The following CTNNA3 variants were observed in gnomAD, a reference collection of about 807,000 sequenced individuals.
CTNNA3 encodes catenin alpha-3.
In CTNNA3, 76 loss-of-function variants were observed where a neutral mutation model predicts 95.7. The ratio of observed to expected loss-of-function variants is 0.79; its 90% CI spans 0.66 to 0.96. The LOEUF (loss-of-function observed/expected upper bound fraction) is 0.96. Ranked by LOEUF, CTNNA3 falls within the 40% of genes least tolerant of loss-of-function variation. CTNNA3 has a pLI of 0.00. For missense variants in CTNNA3, 1,191 were observed against 1,089.8 expected, an observed-to-expected ratio of 1.09 and a Z score of -1.31; for synonymous variants, 431 against 374.4, an observed-to-expected ratio of 1.15 and a Z score of -1.74.
chr10:67,639,322 T>C (rs1471890299), intron 2 of CTNNA3, among the ~76,000 whole-genome samples: 1 of 152,132 alleles, frequency 6.6e-6, no homozygotes, highest in African/African-American at 2.4e-5. Context: ...GTTGAATCTC[T>C]GAATAGACCA....
intron 11 of CTNNA3, among the ~76,000 whole-genome samples, chr10:66,477,549 AT>A (rs750864388): frequency 3.3e-5 from 5 of 152,034 alleles, no homozygotes; most frequent in Non-Finnish European, 7.4e-5. Context: ...ACTCAAACTC[AT>A]GGCAGGAGAG....
chr10:67,261,206 A>C (rs1866593920), intron 5 of CTNNA3, among the ~76,000 whole-genome samples: 1 of 152,158 alleles, frequency 6.6e-6, no homozygotes, highest in Non-Finnish European at 1.5e-5. Context: ...TTAAATTAGC[A>C]AACAGATGAG....
intron 7 of CTNNA3, among the ~76,000 whole-genome samples, chr10:67,006,436 A>T (rs1851993833): frequency 2.0e-5 from 3 of 152,072 alleles, no homozygotes; most frequent in Admixed American, 6.6e-5. Context: ...ACTACTCTAC[A>T]TCTTGAAAAG....
At chr10:66,872,277 G>A (rs927866785) in intron 7 of CTNNA3, among the ~76,000 whole-genome samples, 1 of 152,152 alleles carries the variant, frequency 6.6e-6, no homozygotes, top group Admixed American at 6.5e-5. Context: ...AAGACTCACA[G>A]AGGTTAAAAA....
rs1348304524 is a variant in CTNNA3 at position 66,753,615 on chromosome 10, T to C, written c.1281+12649A>G. On this transcript the variant is annotated intron_variant, in intron 9 of 17. Transcript: ENST00000433211. ...AGGCAGAAGTTTCAGTGAGCCGAGATTGCACCATTGCACTCTAGCCTCGGC... is the reference window on the plus strand; with the variant it reads ...AGGCAGAAGTTTCAGTGAGCCGAGACTGCACCATTGCACTCTAGCCTCGGC... Among the ~76,000 whole-genome samples the C allele has an allele frequency of 2.6e-5, 4 of 151,512 alleles. 1 individual carries two copies. Among genetic ancestry groups the C allele is most frequent in the African/African-American group, 9.7e-5 (4 of 41,186 alleles).
At chr10:66,156,622 AG>A (rs2084520881) in intron 13 of CTNNA3, among the ~76,000 whole-genome samples, 1 of 151,522 alleles carries the variant, frequency 6.6e-6, no homozygotes, top group Admixed American at 6.6e-5. Context: ...GTGAAAATGA[AG>A]GAAAAAAAAA....
intron 13 of CTNNA3, among the ~76,000 whole-genome samples, chr10:66,262,344 A>C (rs146902271): frequency 3.8e-4 from 58 of 152,084 alleles, no homozygotes; most frequent in Admixed American, 9.8e-4. Flanking sequence ...TTAAATCTAA[A>C]CCTTCAAATA....
Position 66,649,587 on chromosome 10 carries a change from G to C in CTNNA3, c.1282-27803C>G, listed in dbSNP as rs529001014. On this transcript the variant is annotated intron_variant, in intron 9 of 17. Coordinates refer to ENST00000433211, the MANE Select transcript of CTNNA3 (RefSeq NM_013266.4). ...TCCAGCAAAACCCAACTTCACGCAG[G>C]CACCTATGGCCCCAGACTCCAGGCT... Among the ~76,000 whole-genome samples, 8 of 152,240 alleles carry C rather than the reference G, an allele frequency of 5.3e-5. No individual in the cohort carries two copies. The East Asian group carries it at 1.5e-3, about 29-fold the overall frequency.
intron 5 of CTNNA3, among the ~76,000 whole-genome samples, chr10:67,292,698 T>C (rs11814054): frequency 0.09 from 13,736 of 152,218 alleles, 1,206 homozygotes; most frequent in African/African-American, 0.23. Context: ...TTAGTTTTAC[T>C]TAATAATCAG....
At chr10:67,100,436 G>T (rs1172942641) in intron 7 of CTNNA3, among the ~76,000 whole-genome samples, 1 of 151,610 alleles carries the variant, frequency 6.6e-6, no homozygotes, top group African/African-American at 2.4e-5. Flanking sequence ...TAAGGGTGAG[G>T]GTGGTGACAA....
intron 9 of CTNNA3, among the ~76,000 whole-genome samples, chr10:66,742,119 G>T (rs1849346062): frequency 6.6e-6 from 1 of 152,130 alleles, no homozygotes. Flanking sequence ...AAAAGCAAAT[G>T]GGAGAAATAT....
chr10:67,629,504 GC>G (rs1242655784), intron 2 of CTNNA3, among the ~76,000 whole-genome samples: 4 of 152,198 alleles, frequency 2.6e-5, no homozygotes, highest in African/African-American at 9.6e-5. Flanking sequence ...ATTTGGAAAT[GC>G]AGGAATGAAC....
At chr10:66,542,012 A>T (rs1485752132) in intron 10 of CTNNA3, among the ~76,000 whole-genome samples, 1 of 152,192 alleles carries the variant, frequency 6.6e-6, no homozygotes, top group East Asian at 1.9e-4. Context: ...TAATATCCAG[A>T]ATCCACAAAG....
intron 5 of CTNNA3, among the ~76,000 whole-genome samples, chr10:67,405,589 TA>T (rs1215196510): frequency 1.3e-5 from 2 of 152,104 alleles, no homozygotes; most frequent in Non-Finnish European, 2.9e-5. Context: ...TCCCACACAA[TA>T]ATAGTGGGAG....
intron 7 of CTNNA3, among the ~76,000 whole-genome samples, chr10:66,964,269 G>C (rs1849280519): frequency 6.6e-6 from 1 of 151,118 alleles, no homozygotes; most frequent in Non-Finnish European, 1.5e-5. Context: ...CTACATTGAA[G>C]AGCAGGTCTT....
At chr10:67,126,229 T>C (rs1589767803) in intron 7 of CTNNA3, among the ~76,000 whole-genome samples, 1 of 152,182 alleles carries the variant, frequency 6.6e-6, no homozygotes, top group South Asian at 2.1e-4. Context: ...TAAAATTATT[T>C]ATAAGAATAC....
chr10:66,463,293 G>C (rs560216706), intron 11 of CTNNA3, among the ~76,000 whole-genome samples: 1 of 152,192 alleles, frequency 6.6e-6, no homozygotes, highest in Admixed American at 6.5e-5. Context: ...AGAACGGATT[G>C]TTAAAAAGAG....
intron 12 of CTNNA3, among the ~76,000 whole-genome samples, chr10:66,294,199 G>C (rs971821576): frequency 6.6e-6 from 1 of 152,120 alleles, no homozygotes; most frequent in Non-Finnish European, 1.5e-5. Flanking sequence ...TTTTTCTAAA[G>C]CCTATTTCCT....
At chr10:67,705,915 T>G (rs1322435586) in intron 1 of CTNNA3, among the ~76,000 whole-genome samples, 2 of 152,096 alleles carry the variant, frequency 1.3e-5, no homozygotes, top group Non-Finnish European at 2.9e-5. Context: ...AAGTCTGGTA[T>G]AAAGAAGGAG....
Sources: allele counts gnomAD v4.1 joint callset (sites outside exome capture counted in the v4.1 genomes callset), GRCh38; gene constraint gnomAD v4.1.1; transcripts MANE v1.5; gene names NCBI Gene and HGNC (gene_info 2026-07-23, HGNC 2026-07-21).